The following CCND2 variants were observed in gnomAD, a reference collection of about 807,000 sequenced individuals.
The protein encoded by CCND2 is G1/S-specific cyclin-D2.
In CCND2, 6 loss-of-function variants were observed where a neutral mutation model predicts 30.2. The observed-to-expected ratio is 0.20, with a 90% CI of 0.11 to 0.39. The LOEUF (loss-of-function observed/expected upper bound fraction) is 0.39. CCND2 is among the 10% of genes least tolerant of loss of function. CCND2 has a pLI of 1.00. For synonymous variants in CCND2, 150 were observed against 153.1 expected (o/e 0.98, Z 0.15); for missense variants, 235 against 373.4 (o/e 0.63, Z 3.06).
chr12:4,290,351 A>G (rs1864083011), intron 4 of CCND2, among the ~76,000 whole-genome samples: 1 of 152,244 alleles, frequency 6.6e-6, no homozygotes, highest in Non-Finnish European at 1.5e-5. Flanking sequence ...CGAGGACTCC[A>G]GAACACAGAC....
At chr12:4,291,238 T>C (rs1009359811) in intron 4 of CCND2, among the ~76,000 whole-genome samples, 2 of 152,090 alleles carry the variant, frequency 1.3e-5, no homozygotes, top group African/African-American at 4.8e-5. Flanking sequence ...TGTGTGTTTA[T>C]GCACCTTTCC....
Position 4,304,545 on chromosome 12 carries a change from G to A in CCND2, c.*4536G>A, listed in dbSNP as rs181806646. On this transcript the variant is annotated 3_prime_UTR_variant, in exon 5 of 5. Transcript: ENST00000261254. This position sits in a 1 kb window ranked among gnomAD's most constrained non-coding sequence, Gnocchi z 6.2. The stretch of plus-strand genomic sequence containing the variant: ...TACCACATGGCTTTTGATGATTCTG[G>A]ATTCTAAACAACCCAGAATGGTCAT... The A allele has an allele frequency of 2.3e-4, 54 of 233,668 alleles. No homozygotes were observed. The highest frequency in any genetic ancestry group is 1.1e-3 in the African/African-American group (52 of 45,462). 14.5% of individuals were successfully genotyped at this position (233,668 alleles called of 1,614,324 possible).
chr12:4,301,437 G>A lies in CCND2; in HGVS notation c.*1428G>A, dbSNP rs1488219530. 1 of 229,992 alleles carries A rather than the reference G, an allele frequency of 4.3e-6. No individual in the cohort carries two copies. The highest frequency in any genetic ancestry group is 5.7e-5 in the Admixed American group (1 of 17,518). The allele number at this position is 229,992 out of a possible 1,614,324, so 14.2% of individuals were successfully genotyped here. A position where few individuals can be genotyped will look rare whatever the true frequency, so the allele number is the denominator to read the frequency against. On this transcript the variant is annotated 3_prime_UTR_variant, in exon 5 of 5. Coordinates refer to ENST00000261254, the MANE Select transcript of CCND2 (RefSeq NM_001759.4). ...AATTTTTCTTCCTCTCCACTTCTTA[G>A]AGGCATTCAGTTAGCAAAGAGGTTG...
Position 4,300,104 on chromosome 12 carries a change from T to A in CCND2, c.*95T>A. ...GTTCTTTGTGTTTTAGGGTGAAACT[T>A]AAAAAAAAAATTCTGCCCCCACCTA... On this transcript the variant is annotated 3_prime_UTR_variant, in exon 5 of 5. Coordinates refer to ENST00000261254, the MANE Select transcript of CCND2 (RefSeq NM_001759.4). The A allele has an allele frequency of 8.0e-7, 1 of 1,249,564 alleles. No homozygotes were observed. The highest frequency in any genetic ancestry group is 1.1e-6 in the Non-Finnish European group (1 of 942,448). The allele number at this position is 1,249,564 out of a possible 1,614,324, so 77.4% of individuals were successfully genotyped here. A position where few individuals can be genotyped will look rare whatever the true frequency, so the allele number is the denominator to read the frequency against.
At chr12:4,296,510 G>A (rs984401466) in intron 4 of CCND2, among the ~76,000 whole-genome samples, 10 of 152,240 alleles carry the variant, frequency 6.6e-5, no homozygotes, top group East Asian at 1.9e-4. Context: ...CACGCCTCGT[G>A]TGCACACGCA....
Position 4,276,238 on chromosome 12 carries a change from C to T in CCND2, c.411+18C>T, listed in dbSNP as rs748533926. 1 of 1,602,552 alleles carries T rather than the reference C, an allele frequency of 6.2e-7. No individual in the cohort carries two copies. The highest frequency in any genetic ancestry group is 8.5e-7 in the Non-Finnish European group (1 of 1,170,578). ...AGCTGCTGGTAATGACCGGCCCCTT[C>T]CTCCCTTCCTTTCTGCGATTCCCGC... On this transcript the variant is annotated intron_variant, in intron 2 of 4. Transcript: ENST00000261254. This position sits in a 1 kb window ranked among gnomAD's most constrained non-coding sequence, Gnocchi z 4.8.
At chr12:4,275,026 T>C (rs896809598) in intron 1 of CCND2, 1 of 152,254 alleles carries the variant, frequency 6.6e-6, no homozygotes. Flanking sequence ...ACTTACAGTT[T>C]GGTTTTCCAG....
In CCND2 at chr12:4,301,932, T is replaced by C. The variant is rs1864255975; in HGVS notation, c.*1923T>C. 4 of 231,708 alleles carry C rather than the reference T, an allele frequency of 1.7e-5. No homozygotes were observed. In the East Asian group the frequency reaches 2.5e-4, roughly 14 times the overall value. The allele number at this position is 231,708 out of a possible 1,614,324, so 14.4% of individuals were successfully genotyped here. A position where few individuals can be genotyped will look rare whatever the true frequency, so the allele number is the denominator to read the frequency against. On this transcript the variant is annotated 3_prime_UTR_variant, in exon 5 of 5. Coordinates refer to ENST00000261254, the MANE Select transcript of CCND2 (RefSeq NM_001759.4). ...TTCATGGTTGTTTTTTTTTTTCTTT[T>C]TTGGTTTTTTGGTTTTTTTTTTTTC... is the stretch of plus-strand genomic sequence containing the variant.
intron 4 of CCND2, among the ~76,000 whole-genome samples, chr12:4,294,952 T>A (rs1864147840): frequency 6.6e-6 from 1 of 152,098 alleles, no homozygotes; most frequent in South Asian, 2.1e-4. Flanking sequence ...CCCACCCCAA[T>A]CCCATGCATT....
chr12:4,295,854 T>C (rs1298323392), intron 4 of CCND2, among the ~76,000 whole-genome samples: 2 of 152,222 alleles, frequency 1.3e-5, no homozygotes, highest in Non-Finnish European at 2.9e-5. Flanking sequence ...AGAGAGAGTA[T>C]GCAGTTTTGT....
chr12:4,292,644 T>G (rs1168529171), intron 4 of CCND2, among the ~76,000 whole-genome samples: 2 of 151,910 alleles, frequency 1.3e-5, no homozygotes, highest in Admixed American at 1.3e-4. Flanking sequence ...GAAAGCTGAG[T>G]GAGGGGCCTG....
intron 3 of CCND2, among the ~76,000 whole-genome samples, chr12:4,281,904 G>T (rs529913936): frequency 1.6e-4 from 22 of 138,958 alleles, no homozygotes; most frequent in South Asian, 1.3e-3. Context: ...AGCAAGGGCC[G>T]CAAGCTGCTG....
At chr12:4,280,994 G>A (rs959456343) in intron 3 of CCND2, among the ~76,000 whole-genome samples, 1 of 152,190 alleles carries the variant, frequency 6.6e-6, no homozygotes, top group Admixed American at 6.5e-5. Context: ...TGCCAGCTCC[G>A]GGGCCAGAGT....
At position 4,301,260 on chromosome 12, in the gene CCND2, C is replaced by CTATACTTCTCCTTTGG. The variant is rs1172258644; in HGVS notation, c.*1252_*1267dup. On this transcript the variant is annotated 3_prime_UTR_variant, in exon 5 of 5. Coordinates refer to ENST00000261254, the MANE Select transcript of CCND2 (RefSeq NM_001759.4). ...CACAGAAGGATCTTAATTCCCATCTCTATACTTCTCCTTTGGACATGGAAA... is the reference window on the plus strand; with the variant it reads ...CACAGAAGGATCTTAATTCCCATCTCTATACTTCTCCTTTGGTATACTTCTCCTTTGGACATGGAAA... 3 of 233,468 alleles carry CTATACTTCTCCTTTGG rather than the reference C, an allele frequency of 1.3e-5. No homozygotes were observed. Among genetic ancestry groups the CTATACTTCTCCTTTGG allele is most frequent in the Non-Finnish European group, 2.5e-5 (3 of 118,038 alleles). The allele number at this position is 233,468 out of a possible 1,614,324, so 14.5% of individuals were successfully genotyped here. A position where few individuals can be genotyped will look rare whatever the true frequency, so the allele number is the denominator to read the frequency against.
rs535993641 is a variant in CCND2 at position 4,274,092 on chromosome 12, C to T, written c.52C>T (p.Arg18Cys). The T allele has an allele frequency of 3.1e-6, 5 of 1,613,754 alleles. No homozygotes were observed. The highest frequency in any genetic ancestry group is 2.7e-5 in the African/African-American group (2 of 75,054). The change falls in exon 1 of 5, where the codon CGC becomes TGC. Residue 18 changes from arginine to cysteine, a missense_variant. Arg to Cys is a radical substitution (Grantham distance 180). This residue lies in a region of CCND2 where 178 missense variants were observed against 322.8 expected (regional missense o/e 0.55). Transcript: ENST00000261254. The surrounding 1 kb of genome is among the most constrained non-coding windows in gnomAD (Gnocchi z 7.7). Reference protein sequence around the residue: ...VDPVRRAVRDRNLLRDDRVLQ... With the variant: ...VDPVRRAVRDCNLLRDDRVLQ... The stretch of plus-strand genomic sequence containing the variant: ...CCCGGTCCGCAGGGCCGTGCGGGAC[C>T]GCAACCTGCTCCGAGACGACCGCGT...
rs944403926 is a variant in CCND2 at position 4,287,234 on chromosome 12, A to T, written c.572-1608A>T. On this transcript the variant is annotated intron_variant, in intron 3 of 4. Coordinates refer to ENST00000261254, the MANE Select transcript of CCND2 (RefSeq NM_001759.4). This position sits in a 1 kb window ranked among gnomAD's most constrained non-coding sequence, Gnocchi z 4.0. ...TGGCCAGGTTTGCTCTGCGTTCATG[A>T]TGGGAGGGGAGGGCTGTGCTTGGCT... Among the ~76,000 whole-genome samples, 1 of 152,136 alleles carries T rather than the reference A, an allele frequency of 6.6e-6. No individual in the cohort carries two copies. Among genetic ancestry groups the T allele is most frequent in the Middle Eastern group, 3.2e-3 (1 of 316 alleles).
Position 4,300,044 on chromosome 12 carries a change from C to T in CCND2, c.*35C>T, listed in dbSNP as rs1864227252. The T allele has an allele frequency of 1.9e-6, 3 of 1,591,622 alleles. No individual in the cohort carries two copies. The highest frequency in any genetic ancestry group is 2.6e-6 in the Non-Finnish European group (3 of 1,166,730). ...TTGGGCCGAAAGAGAGAGACGCGTCCATAATCTGGTCTCTTCTTCTTTCTG... is the reference window on the plus strand; with the variant it reads ...TTGGGCCGAAAGAGAGAGACGCGTCTATAATCTGGTCTCTTCTTCTTTCTG... On this transcript the variant is annotated 3_prime_UTR_variant, in exon 5 of 5. Coordinates refer to ENST00000261254, the MANE Select transcript of CCND2 (RefSeq NM_001759.4).
chr12:4,297,329 C>T (rs368760674), intron 4 of CCND2, among the ~76,000 whole-genome samples: 28 of 152,126 alleles, frequency 1.8e-4, no homozygotes, highest in Middle Eastern at 3.4e-3. Flanking sequence ...CCCAGTACTT[C>T]GGGAGGCCAA....
intron 3 of CCND2, among the ~76,000 whole-genome samples, chr12:4,281,539 C>T (rs931920157): frequency 2.6e-5 from 4 of 151,998 alleles, no homozygotes; most frequent in Non-Finnish European, 4.4e-5. Flanking sequence ...GCACACTTCC[C>T]TCCTTTTCTC....
Sources: allele counts gnomAD v4.1 joint callset (sites outside exome capture counted in the v4.1 genomes callset), GRCh38; gene constraint gnomAD v4.1.1; regional missense constraint gnomAD v4.1.1; non-coding constraint Gnocchi (gnomAD v3.1); transcripts MANE v1.5; gene names NCBI Gene and HGNC (gene_info 2026-07-23, HGNC 2026-07-21).